The following EYS variants were observed in gnomAD, a reference collection of about 807,000 sequenced individuals.
EYS encodes protein eyes shut homolog.
A neutral mutation model predicts 282.1 loss-of-function variants in EYS; 250 were observed. The observed-to-expected ratio is 0.89, with a 90% CI of 0.80 to 0.98. EYS has a LOEUF of 0.98. Ranked by LOEUF, EYS falls within the 50% of genes least tolerant of loss-of-function variation. The probability of loss-of-function intolerance (pLI) is 0.00; values close to 1 mark genes in which losing one functional copy is unlikely to be tolerated. For synonymous variants in EYS, 1,355 were observed against 1,282.9 expected, an observed-to-expected ratio of 1.06 and a Z score of -1.20; for missense variants, 4,016 against 3,709.0, an observed-to-expected ratio of 1.08 and a Z score of -2.15.
intron 33 of EYS, among the ~76,000 whole-genome samples, chr6:64,064,443 T>C (rs1194824334): frequency 6.6e-6 from 1 of 152,194 alleles, no homozygotes; most frequent in Admixed American, 6.5e-5. Context: ...ATATGTAATA[T>C]ATAGTCCTAG....
chr6:65,511,219 T>C (rs894181228), intron 2 of EYS, among the ~76,000 whole-genome samples: 2 of 152,194 alleles, frequency 1.3e-5, no homozygotes, highest in South Asian at 2.1e-4. Context: ...CTTTTCCCAC[T>C]AATGGTATAT....
chr6:64,599,975 T>C (rs914594500), intron 24 of EYS, among the ~76,000 whole-genome samples: 40 of 152,306 alleles, frequency 2.6e-4, no homozygotes, highest in Middle Eastern at 3.4e-3. Context: ...AAACAGTTTC[T>C]ATTATCTCAA....
chr6:64,894,011 A>G (rs1222966037), intron 18 of EYS, among the ~76,000 whole-genome samples: 1 of 152,104 alleles, frequency 6.6e-6, no homozygotes, highest in Non-Finnish European at 1.5e-5. Context: ...ATTTTTCAAA[A>G]TATGTTTTAA....
intron 36 of EYS, among the ~76,000 whole-genome samples, chr6:63,810,132 G>A (rs868767128): frequency 2.1e-4 from 31 of 150,470 alleles, no homozygotes; most frequent in African/African-American, 7.1e-4. Context: ...GTGGTGGCAC[G>A]CGCCTGTAGT....
intron 19 of EYS, among the ~76,000 whole-genome samples, chr6:64,842,999 T>C (rs1765610628): frequency 6.6e-6 from 1 of 152,082 alleles, no homozygotes; most frequent in African/African-American, 2.4e-5. Flanking sequence ...CCAGGGCATG[T>C]CATAGGTCTC....
At chr6:65,607,764 T>C (rs758247273) in intron 2 of EYS, among the ~76,000 whole-genome samples, 1 of 151,886 alleles carries the variant, frequency 6.6e-6, no homozygotes, top group Non-Finnish European at 1.5e-5. Context: ...ACATACATTA[T>C]GCAGAATTTT....
rs538782952 is a variant in EYS at position 64,540,920 on chromosome 6, T to A, written c.5644+49303A>T. Among the ~76,000 whole-genome samples, 3 of 152,292 alleles carry A rather than the reference T, an allele frequency of 2.0e-5. No individual in the cohort carries two copies. The South Asian group carries it at 6.2e-4, about 32-fold the overall frequency. On this transcript the variant is annotated intron_variant, in intron 26 of 42. Transcript: ENST00000503581. ...AGAGAATTAACAGGAAAGCAGAGAA[T>A]CAAGAGATGCCTTCTACTATGAAAA...
chr6:64,106,234 A>C (rs543460741), intron 31 of EYS, among the ~76,000 whole-genome samples: 2 of 152,086 alleles, frequency 1.3e-5, no homozygotes, highest in South Asian at 2.1e-4. Context: ...TTTTAAAAAA[A>C]CTTTTTTAGT....
intron 22 of EYS, among the ~76,000 whole-genome samples, chr6:64,714,689 C>A (rs1196547297): frequency 6.6e-6 from 1 of 151,884 alleles, no homozygotes; most frequent in Non-Finnish European, 1.5e-5. Context: ...CCACGCCCAG[C>A]TAATTTTTTG....
At chr6:64,478,346 A>G (rs1562016893) in intron 26 of EYS, among the ~76,000 whole-genome samples, 2 of 151,928 alleles carry the variant, frequency 1.3e-5, no homozygotes, top group African/African-American at 2.4e-5. Flanking sequence ...AACTTGAATA[A>G]TGTACATAAT....
intron 30 of EYS, among the ~76,000 whole-genome samples, chr6:64,296,600 T>A (rs1257104633): frequency 0.019 from 122 of 6,484 alleles, 2 homozygotes; most frequent in East Asian, 0.03. Context: ...ATATATATAT[T>A]TTTTTTTTTT....
At chr6:64,375,456 A>G (rs977077812) in intron 29 of EYS, among the ~76,000 whole-genome samples, 3 of 152,248 alleles carry the variant, frequency 2.0e-5, no homozygotes, top group African/African-American at 7.2e-5. Context: ...AAGGGTGGTA[A>G]TAACTATTTA....
Position 65,547,445 on chromosome 6 carries a change from T to G in EYS, c.-332-51452A>C, listed in dbSNP as rs538803681. Among the ~76,000 whole-genome samples the G allele has an allele frequency of 2.6e-5, 4 of 152,128 alleles. No homozygotes were observed. The South Asian group carries it at 8.3e-4, about 32-fold the overall frequency. Reference sequence around the variant, plus strand: ...TTTAATAATATTACAGTAATGAATGTTTTATAATACTTCTAGAATTAGATC... The same window carrying G: ...TTTAATAATATTACAGTAATGAATGGTTTATAATACTTCTAGAATTAGATC... On this transcript the variant is annotated intron_variant, in intron 2 of 42. Transcript: ENST00000503581.
At chr6:65,585,810 T>C (rs1320984603) in intron 2 of EYS, among the ~76,000 whole-genome samples, 1 of 151,956 alleles carries the variant, frequency 6.6e-6, no homozygotes, top group Non-Finnish European at 1.5e-5. Flanking sequence ...ACAGTTATTG[T>C]TGTAAGAGCT....
chr6:65,212,342 G>T (rs1766196473), intron 12 of EYS, among the ~76,000 whole-genome samples: 1 of 152,002 alleles, frequency 6.6e-6, no homozygotes, highest in Non-Finnish European at 1.5e-5. Flanking sequence ...AACAGAGGAA[G>T]TAATCAGATA....
At chr6:65,093,891 C>A (rs1204140172) in intron 12 of EYS, among the ~76,000 whole-genome samples, 1 of 151,558 alleles carries the variant, frequency 6.6e-6, no homozygotes, top group Non-Finnish European at 1.5e-5. Flanking sequence ...AAGAAACCCA[C>A]CTTAGCTTTA....
chr6:65,335,226 G>A (rs1401832384), intron 10 of EYS, 80 bp from the exon 11 acceptor site: 9 of 910,220 alleles, frequency 9.9e-6, no homozygotes, highest in South Asian at 2.7e-5. Flanking sequence ...GAGAGATCAT[G>A]ATAGATGCCT....
At position 64,564,268 on chromosome 6, in the gene EYS, C is replaced by CTTTTTTTTTTTTTTTTTT. The variant is rs4034161; in HGVS notation, c.5644+25937_5644+25954dup. On this transcript the variant is annotated intron_variant, in intron 26 of 42. Coordinates refer to ENST00000503581, the MANE Select transcript of EYS (RefSeq NM_001142800.2). ...TCCTCATCAACACGTATCTTTTGTC[C>CTTTTTTTTTTTTTTTTTT]TTTTTTTTTTTTTTTTTTTTTTTTT... Among the ~76,000 whole-genome samples the CTTTTTTTTTTTTTTTTTT allele has an allele frequency of 3.4e-5, 2 of 59,374 alleles. 1 individual carries two copies. 39.0% of individuals were successfully genotyped at this position (59,374 alleles called of 152,430 possible).
At chr6:65,687,085 A>G (rs1306015982) in intron 1 of EYS, among the ~76,000 whole-genome samples, 1 of 152,084 alleles carries the variant, frequency 6.6e-6, no homozygotes, top group Admixed American at 6.6e-5. Context: ...ATGAGTGATA[A>G]AGGATGCATT....
Sources: allele counts gnomAD v4.1 joint callset (sites outside exome capture counted in the v4.1 genomes callset), GRCh38; gene constraint gnomAD v4.1.1; transcripts MANE v1.5; gene names NCBI Gene and HGNC (gene_info 2026-07-23, HGNC 2026-07-21).